The following TMEM132D variants were observed in gnomAD, a reference collection of about 807,000 sequenced individuals.
The protein encoded by TMEM132D is transmembrane protein 132D.
TMEM132D carries 21 observed loss-of-function variants against 62.3 expected under a neutral mutation model. The observed-to-expected ratio is 0.34, with a 90% CI of 0.24 to 0.49. TMEM132D has a LOEUF of 0.49. Ranked by LOEUF, TMEM132D falls within the 20% of genes least tolerant of loss-of-function variation. The pLI is 0.99. For missense variants in TMEM132D, 1,346 were observed against 1,402.8 expected (o/e 0.96, Z 0.65); for synonymous variants, 621 against 575.6 (o/e 1.08, Z -1.13).
intron 2 of TMEM132D, among the ~76,000 whole-genome samples, chr12:129,653,907 T>C (rs991972768): frequency 1.3e-5 from 2 of 152,218 alleles, no homozygotes; most frequent in Admixed American, 6.5e-5. Flanking sequence ...ATATTCTTTT[T>C]CTGTCCCAGA....
intron 2 of TMEM132D, among the ~76,000 whole-genome samples, chr12:129,646,274 C>G (rs1879775939): frequency 6.6e-6 from 1 of 152,204 alleles, no homozygotes; most frequent in Non-Finnish European, 1.5e-5. Context: ...CCACAACCAC[C>G]TTTCAGCAGG....
At chr12:129,420,306 G>GGTTTTTTTTTTTTTTTTTTT (rs1457529737) in intron 3 of TMEM132D, among the ~76,000 whole-genome samples, 1 of 112,300 alleles carries the variant, frequency 8.9e-6, no homozygotes, top group East Asian at 3.6e-4. Context: ...CACGTTCTCT[G>GGTTTTTTTTTTTTTTTTTTT]TTTTTTTTTT....
chr12:129,528,807 G>C (rs924342478), intron 3 of TMEM132D, among the ~76,000 whole-genome samples: 1 of 152,204 alleles, frequency 6.6e-6, no homozygotes, highest in Non-Finnish European at 1.5e-5. Flanking sequence ...GTATGAGCTG[G>C]AGCATAACTG....
intron 2 of TMEM132D, among the ~76,000 whole-genome samples, chr12:129,562,425 AC>A (rs2137114074): frequency 6.6e-6 from 1 of 152,174 alleles, no homozygotes; most frequent in East Asian, 1.9e-4. Context: ...AGATCATTTT[AC>A]AGGTAGATAA....
intron 2 of TMEM132D, among the ~76,000 whole-genome samples, chr12:129,575,049 T>C (rs748950191): frequency 1.3e-5 from 2 of 151,646 alleles, no homozygotes; most frequent in Non-Finnish European, 2.9e-5. Flanking sequence ...TGGCGCTACA[T>C]ATGGAGTCTA....
chr12:129,493,573 T>C (rs547618202), intron 3 of TMEM132D, among the ~76,000 whole-genome samples: 2 of 152,372 alleles, frequency 1.3e-5, no homozygotes, highest in South Asian at 2.1e-4. Context: ...ATATGCATTA[T>C]AATAATACAG....
intron 1 of TMEM132D, among the ~76,000 whole-genome samples, chr12:129,807,902 C>CT (rs1196735491): frequency 2.0e-5 from 3 of 152,122 alleles, no homozygotes; most frequent in Admixed American, 6.5e-5. Flanking sequence ...CATAGGAGGA[C>CT]GTTTACTTAA....
At chr12:129,547,333 G>T (rs1272951523) in intron 2 of TMEM132D, among the ~76,000 whole-genome samples, 1 of 152,022 alleles carries the variant, frequency 6.6e-6, no homozygotes, top group Non-Finnish European at 1.5e-5. Flanking sequence ...CAAACTCCTG[G>T]GCTCAAGTGA....
intron 2 of TMEM132D, among the ~76,000 whole-genome samples, chr12:129,557,994 C>T (rs1028702544): frequency 3.3e-5 from 5 of 152,096 alleles, no homozygotes; most frequent in African/African-American, 1.2e-4. Context: ...AATTACTCAA[C>T]ATAATACAGT....
chr12:129,703,017 C>G (rs1415174121), intron 1 of TMEM132D, among the ~76,000 whole-genome samples: 1 of 152,172 alleles, frequency 6.6e-6, no homozygotes, highest in Non-Finnish European at 1.5e-5. Flanking sequence ...TCCTATAAGA[C>G]CTACATCAGT....
intron 1 of TMEM132D, among the ~76,000 whole-genome samples, chr12:129,848,458 T>C (rs943320272): frequency 6.6e-6 from 1 of 152,214 alleles, no homozygotes; most frequent in Non-Finnish European, 1.5e-5. Flanking sequence ...TTGAGTAAGT[T>C]GGTCCTAGCA....
At chr12:129,429,701 A>T (rs527565403) in intron 3 of TMEM132D, among the ~76,000 whole-genome samples, 1 of 150,854 alleles carries the variant, frequency 6.6e-6, no homozygotes, top group African/African-American at 2.4e-5. Context: ...GTCACTTAGC[A>T]TTAGGTATAT....
chr12:129,157,042 C>T (rs1439887313), intron 5 of TMEM132D, among the ~76,000 whole-genome samples: 2 of 152,080 alleles, frequency 1.3e-5, no homozygotes, highest in Non-Finnish European at 2.9e-5. Context: ...CCCACCCCTA[C>T]AATAATTAAT....
At chr12:129,126,185 A>C (rs1876207419) in intron 5 of TMEM132D, among the ~76,000 whole-genome samples, 1 of 152,204 alleles carries the variant, frequency 6.6e-6, no homozygotes, top group Non-Finnish European at 1.5e-5. Flanking sequence ...CAGGGAACTT[A>C]AATCCACTTA....
chr12:129,170,667 A>G (rs1010969738), intron 5 of TMEM132D, among the ~76,000 whole-genome samples: 4 of 152,238 alleles, frequency 2.6e-5, no homozygotes, highest in African/African-American at 7.2e-5. Flanking sequence ...TCTACTAAAA[A>G]TACAAAAATA....
At chr12:129,119,786 A>G (rs1876002237) in intron 5 of TMEM132D, among the ~76,000 whole-genome samples, 2 of 152,178 alleles carry the variant, frequency 1.3e-5, no homozygotes, top group Non-Finnish European at 2.9e-5. Context: ...TCTGATTTCA[A>G]GAAGCTGAAG....
At chr12:129,398,836 ATCC>A (rs1341193713) in intron 3 of TMEM132D, among the ~76,000 whole-genome samples, 2 of 41,440 alleles carry the variant, frequency 4.8e-5, no homozygotes, top group African/African-American at 2.7e-4. Flanking sequence ...TTATGTATTC[ATCC>A]ATCCATCCAT....
chr12:129,297,997 G>T lies in TMEM132D; in HGVS notation c.1299+39637C>A, dbSNP rs190559328. On this transcript the variant is annotated intron_variant, in intron 4 of 8. Coordinates refer to ENST00000422113, the MANE Select transcript of TMEM132D (RefSeq NM_133448.3). Reference sequence around the variant, plus strand: ...TGACTTACTCAACCACAAGGGAAAAGAAAAGGATGATGCCACAATCTGGGT... The same window carrying T: ...TGACTTACTCAACCACAAGGGAAAATAAAAGGATGATGCCACAATCTGGGT... Among the ~76,000 whole-genome samples the T allele has an allele frequency of 1.8e-3, 271 of 152,278 alleles. 1 individual carries two copies. Among genetic ancestry groups the T allele is most frequent in the Non-Finnish European group, 3.1e-3 (211 of 68,008 alleles).
At chr12:129,176,922 G>A (rs1442571792) in intron 5 of TMEM132D, among the ~76,000 whole-genome samples, 4 of 152,242 alleles carry the variant, frequency 2.6e-5, no homozygotes, top group Non-Finnish European at 5.9e-5. Flanking sequence ...ATTTGGGAAA[G>A]ATCCTGTTGA....
Sources: allele counts gnomAD v4.1 joint callset (sites outside exome capture counted in the v4.1 genomes callset), GRCh38; gene constraint gnomAD v4.1.1; transcripts MANE v1.5; gene names NCBI Gene and HGNC (gene_info 2026-07-23, HGNC 2026-07-21).